The following ZNF385D variants were observed in gnomAD, a reference collection of about 807,000 sequenced individuals.
ZNF385D encodes zinc finger protein 385D.
In ZNF385D, 15 loss-of-function variants were observed where a neutral mutation model predicts 35.8. The ratio of observed to expected loss-of-function variants is 0.42; its 90% CI spans 0.28 to 0.64. The LOEUF (loss-of-function observed/expected upper bound fraction) is 0.64, where lower values mean the gene tolerates loss of function less well. Among genes scored for constraint, ZNF385D ranks in the 30% least tolerant of loss-of-function variants. ZNF385D has a pLI of 0.23. For missense variants in ZNF385D, 474 were observed against 494.6 expected, an observed-to-expected ratio of 0.96 and a Z score of 0.39; for synonymous variants, 212 against 186.8, an observed-to-expected ratio of 1.13 and a Z score of -1.10.
chr3:21,687,448 T>C (rs779493829), intron 1 of ZNF385D, among the ~76,000 whole-genome samples: 1 of 152,136 alleles, frequency 6.6e-6, no homozygotes, highest in African/African-American at 2.4e-5. Context: ...CATAGCAATA[T>C]TGCACAGGAA....
At chr3:21,678,702 A>G (rs977551786) in intron 1 of ZNF385D, among the ~76,000 whole-genome samples, 5 of 152,084 alleles carry the variant, frequency 3.3e-5, no homozygotes, top group African/African-American at 1.2e-4. Flanking sequence ...TTGAGCAGGA[A>G]TGCCTGCTGA....
chr3:22,087,757 G>A (rs1398207414), intron 3 of ZNF385D, among the ~76,000 whole-genome samples: 2 of 152,110 alleles, frequency 1.3e-5, no homozygotes, highest in Non-Finnish European at 2.9e-5. Context: ...AGATAGGTGA[G>A]TTAGAAATTA....
At chr3:21,492,291 A>G (rs1294247958) in intron 4 of ZNF385D, among the ~76,000 whole-genome samples, 1 of 152,022 alleles carries the variant, frequency 6.6e-6, no homozygotes, top group African/African-American at 2.4e-5. Context: ...TAAATAACCA[A>G]TTATTAAAAA....
At chr3:22,058,324 C>A (rs1699515684) in intron 3 of ZNF385D, among the ~76,000 whole-genome samples, 1 of 152,210 alleles carries the variant, frequency 6.6e-6, no homozygotes, top group Admixed American at 6.5e-5. Flanking sequence ...GCTAATTCAA[C>A]AAGCCGCCCC....
chr3:21,677,583 T>A (rs2066768383), intron 1 of ZNF385D, among the ~76,000 whole-genome samples: 1 of 152,036 alleles, frequency 6.6e-6, no homozygotes, highest in Non-Finnish European at 1.5e-5. Flanking sequence ...CTAAATAAAT[T>A]TCTAAGAGAG....
chr3:22,016,202 G>A (rs1052987436), intron 3 of ZNF385D, among the ~76,000 whole-genome samples: 1 of 151,188 alleles, frequency 6.6e-6, no homozygotes, highest in Non-Finnish European at 1.5e-5. Context: ...ATTTCACAAT[G>A]TCTGGAGATG....
intron 2 of ZNF385D, among the ~76,000 whole-genome samples, chr3:22,172,043 T>A (rs1468707901): frequency 6.6e-6 from 1 of 152,170 alleles, no homozygotes. Flanking sequence ...ATATTTGAGT[T>A]CCACTGAGAA....
chr3:21,640,092 T>G (rs186349453), intron 2 of ZNF385D, among the ~76,000 whole-genome samples: 40 of 152,202 alleles, frequency 2.6e-4, no homozygotes, highest in Admixed American at 2.2e-3. Context: ...CTTTAAAGTT[T>G]TCACTTATTC....
At chr3:22,225,663 T>G (rs1425372688) in intron 2 of ZNF385D, among the ~76,000 whole-genome samples, 2 of 152,290 alleles carry the variant, frequency 1.3e-5, no homozygotes, top group African/African-American at 4.8e-5. Flanking sequence ...CTTCCCTGTC[T>G]CACTTTCCCA....
intron 3 of ZNF385D, among the ~76,000 whole-genome samples, chr3:21,961,895 G>T (rs148281512): frequency 5.3e-5 from 8 of 152,048 alleles, no homozygotes; most frequent in Admixed American, 2.0e-4. Context: ...GAAATTGAAA[G>T]AAAACTGTTA....
At chr3:21,438,803 G>C (rs979047216) in intron 4 of ZNF385D, among the ~76,000 whole-genome samples, 15 of 152,070 alleles carry the variant, frequency 9.9e-5, no homozygotes, top group African/African-American at 3.4e-4. Context: ...AGAAAAATAA[G>C]TAAAATTACC....
intron 3 of ZNF385D, among the ~76,000 whole-genome samples, chr3:21,846,677 G>C (rs572531457): frequency 6.6e-6 from 1 of 152,092 alleles, no homozygotes; most frequent in African/African-American, 2.4e-5. Context: ...GTTTTCCAGA[G>C]TCTGATTCCT....
At chr3:22,326,524 C>T (rs1416157154) in intron 2 of ZNF385D, among the ~76,000 whole-genome samples, 2 of 152,046 alleles carry the variant, frequency 1.3e-5, no homozygotes, top group African/African-American at 4.8e-5. Flanking sequence ...CAGGATACCA[C>T]AGGAGGCAGT....
At chr3:21,520,125 C>A (rs754995008) in intron 3 of ZNF385D, among the ~76,000 whole-genome samples, 4 of 152,122 alleles carry the variant, frequency 2.6e-5, no homozygotes, top group Non-Finnish European at 5.9e-5. Flanking sequence ...CAAGAAGAAT[C>A]ATTTTTAAGC....
intron 3 of ZNF385D, among the ~76,000 whole-genome samples, chr3:21,910,135 C>T (rs897218339): frequency 6.7e-6 from 1 of 148,730 alleles, no homozygotes; most frequent in Non-Finnish European, 1.5e-5. Context: ...TCTTTCTAGA[C>T]CATCTTTGGC....
intron 3 of ZNF385D, among the ~76,000 whole-genome samples, chr3:21,967,510 A>C (rs1165564307): frequency 6.6e-6 from 1 of 152,216 alleles, no homozygotes; most frequent in African/African-American, 2.4e-5. Flanking sequence ...AGAGCTGCTA[A>C]AACAGCTGGT....
intron 2 of ZNF385D, among the ~76,000 whole-genome samples, chr3:22,187,042 G>A (rs1453770933): frequency 6.6e-6 from 1 of 152,086 alleles, no homozygotes; most frequent in Non-Finnish European, 1.5e-5. Context: ...CTCAGGCACT[G>A]GCTTTAGACT....
chr3:22,031,140 T>C (rs534945028), intron 3 of ZNF385D, among the ~76,000 whole-genome samples: 2 of 152,266 alleles, frequency 1.3e-5, no homozygotes, highest in South Asian at 4.1e-4. Flanking sequence ...TAGGCTGGTG[T>C]TGAGTGCCTG....
chr3:21,625,970 T>C (rs1480004836), intron 2 of ZNF385D, among the ~76,000 whole-genome samples: 1 of 152,064 alleles, frequency 6.6e-6, no homozygotes, highest in Non-Finnish European at 1.5e-5. Context: ...GGTTAGGTAC[T>C]CTTCACTTTG....
Sources: gnomAD v4.1 joint callset for allele counts (sites outside exome capture counted in the v4.1 genomes callset) on GRCh38, gnomAD v4.1.1 for gene constraint, MANE v1.5 for transcripts, NCBI Gene and HGNC (gene_info 2026-07-23, HGNC 2026-07-21) for gene names.